SLC25A26: variants seen among roughly 807,000 people sequenced by gnomAD.
SLC25A26 encodes mitochondrial S-adenosylmethionine carrier protein.
A neutral mutation model predicts 37.8 loss-of-function variants in SLC25A26; 36 were observed. That is an observed-to-expected ratio of 0.95 (90% CI 0.73 to 1.26). The LOEUF (loss-of-function observed/expected upper bound fraction) is 1.26, where lower values mean the gene tolerates loss of function less well. Among genes scored for constraint, SLC25A26 ranks in the 50% most tolerant of loss-of-function variants. SLC25A26 has a pLI of 0.00. For missense variants in SLC25A26, 390 were observed against 331.1 expected, an observed-to-expected ratio of 1.18 and a Z score of -1.38; for synonymous variants, 129 against 122.5, an observed-to-expected ratio of 1.05 and a Z score of -0.35.
chr3:66,262,505 T>C (rs2073568976), intron 4 of SLC25A26, among the ~76,000 whole-genome samples: 1 of 152,228 alleles, frequency 6.6e-6, no homozygotes, highest in African/African-American at 2.4e-5. Context: ...GATTTAGTAC[T>C]GGACTGATAA....
chr3:66,365,350 C>T (rs2076801890), intron 7 of SLC25A26, among the ~76,000 whole-genome samples: 1 of 152,152 alleles, frequency 6.6e-6, no homozygotes, highest in South Asian at 2.1e-4. Context: ...CTACTTGGCG[C>T]AAATATCCAA....
chr3:66,220,276 C>T (rs2071433377), upstream of SLC25A26, among the ~76,000 whole-genome samples: 1 of 152,174 alleles, frequency 6.6e-6, no homozygotes, highest in Admixed American at 6.5e-5. Flanking sequence ...AAATGTCTGT[C>T]AATCACTTAG....
intron 3 of SLC25A26, among the ~76,000 whole-genome samples, 177 bp downstream of exon 3, chr3:66,243,489 C>T (rs551189789): frequency 3.9e-5 from 6 of 152,144 alleles, no homozygotes; most frequent in African/African-American, 9.6e-5. Context: ...AACTAAAAGA[C>T]AGAGCCTTAT....
intron 3 of SLC25A26, among the ~76,000 whole-genome samples, chr3:66,247,028 A>C (rs2072877679): frequency 6.6e-6 from 1 of 150,572 alleles, no homozygotes; most frequent in African/African-American, 2.4e-5. Flanking sequence ...CACCCGGCTA[A>C]TTTTTTTTTG....
At chr3:66,365,456 T>G (rs1439454896) in intron 7 of SLC25A26, among the ~76,000 whole-genome samples, 1 of 152,222 alleles carries the variant, frequency 6.6e-6, no homozygotes, top group African/African-American at 2.4e-5. Context: ...AAAAGGACTT[T>G]GCAACTTCCT....
intron 6 of SLC25A26, among the ~76,000 whole-genome samples, chr3:66,352,731 C>T (rs1018615160): frequency 3.3e-5 from 5 of 151,832 alleles, no homozygotes; most frequent in Non-Finnish European, 5.9e-5. Context: ...ACACAACTGA[C>T]CCCATGGAGC....
At chr3:66,190,102 A>C (rs1439350911) in intron 1 of SLC25A26, among the ~76,000 whole-genome samples, 1 of 152,198 alleles carries the variant, frequency 6.6e-6, no homozygotes, top group East Asian at 1.9e-4. Context: ...GCTTGAGTCC[A>C]GAAGTTTGAG....
intron 2 of SLC25A26, among the ~76,000 whole-genome samples, chr3:66,240,945 A>G (rs1243011742): frequency 6.6e-6 from 1 of 151,662 alleles, no homozygotes; most frequent in Non-Finnish European, 1.5e-5. Flanking sequence ...ACGGGGTTTC[A>G]CTGTGTTAGC....
chr3:66,363,862 A>G (rs1446000495), intron 7 of SLC25A26, among the ~76,000 whole-genome samples: 3 of 152,214 alleles, frequency 2.0e-5, no homozygotes, highest in African/African-American at 7.2e-5. Flanking sequence ...ATAATCAACA[A>G]TAAGAATTTT....
At chr3:66,352,222 A>G (rs2076469377) in intron 6 of SLC25A26, among the ~76,000 whole-genome samples, 1 of 152,080 alleles carries the variant, frequency 6.6e-6, no homozygotes, top group Non-Finnish European at 1.5e-5. Flanking sequence ...AAATAAGAAA[A>G]AGAAATTAGA....
chr3:66,358,207 T>C (rs116686176), intron 6 of SLC25A26, among the ~76,000 whole-genome samples: 1,925 of 152,348 alleles, frequency 0.013, 20 homozygotes, highest in Non-Finnish European at 0.023. Flanking sequence ...TGAGCAAATA[T>C]GTAATTTCAA....
chr3:66,239,816 C>CTTTCTTTTTTTTT (rs1307043180), intron 2 of SLC25A26, among the ~76,000 whole-genome samples: 1 of 110,182 alleles, frequency 9.1e-6, no homozygotes, highest in African/African-American at 3.5e-5. Context: ...TCCTTTCTTT[C>CTTTCTTTTTTTTT]TTTTTTTTTT....
intron 6 of SLC25A26, among the ~76,000 whole-genome samples, chr3:66,355,338 A>G (rs988936446): frequency 1.3e-5 from 2 of 152,016 alleles, no homozygotes; most frequent in Non-Finnish European, 2.9e-5. Flanking sequence ...TGCCCAAAAC[A>G]AGGTACACAT....
intron 3 of SLC25A26, among the ~76,000 whole-genome samples, chr3:66,244,222 G>A (rs1032748247): frequency 1.3e-5 from 2 of 152,084 alleles, no homozygotes; most frequent in African/African-American, 2.4e-5. Flanking sequence ...GAAAAAATAC[G>A]TAAGGCAAAA....
At chr3:66,192,283 T>C (rs1336866285) in intron 1 of SLC25A26, among the ~76,000 whole-genome samples, 1 of 125,352 alleles carries the variant, frequency 8.0e-6, no homozygotes, top group Non-Finnish European at 1.6e-5. Context: ...ACCACTGCAC[T>C]CCAGCCTAGG....
chr3:66,341,182 C>G (rs544022154), intron 5 of SLC25A26, among the ~76,000 whole-genome samples: 104 of 152,210 alleles, frequency 6.8e-4, no homozygotes, highest in African/African-American at 2.4e-3. Context: ...AGCATTCAGT[C>G]TGTCACCATT....
upstream of SLC25A26, among the ~76,000 whole-genome samples, chr3:66,217,283 G>C (rs895949831): frequency 1.3e-4 from 20 of 152,086 alleles, no homozygotes; most frequent in Admixed American, 2.6e-4. Flanking sequence ...AAACTTCCAG[G>C]AACATTAGTA....
At chr3:66,181,861 A>G (rs1458333565) in intron 1 of SLC25A26, among the ~76,000 whole-genome samples, 1 of 132,668 alleles carries the variant, frequency 7.5e-6, no homozygotes, top group Non-Finnish European at 1.5e-5. Flanking sequence ...CTTTCCCTGG[A>G]CCTGCGTGTC....
intron 1 of SLC25A26, among the ~76,000 whole-genome samples, chr3:66,176,655 C>T (rs1176041903): frequency 6.6e-6 from 1 of 152,150 alleles, no homozygotes; most frequent in Non-Finnish European, 1.5e-5. Flanking sequence ...TTTGTGTTTA[C>T]TTGACTCATG....
Sources: allele counts gnomAD v4.1 joint callset (sites outside exome capture counted in the v4.1 genomes callset), GRCh38; gene constraint gnomAD v4.1.1; transcripts MANE v1.5; gene names NCBI Gene and HGNC (gene_info 2026-07-23, HGNC 2026-07-21).